The following FRMD6 variants were observed in gnomAD, a reference collection of about 807,000 sequenced individuals.
FRMD6 encodes FERM domain containing 6.
In FRMD6, 37 loss-of-function variants were observed where a neutral mutation model predicts 73.2. That is an observed-to-expected ratio of 0.51 (90% CI 0.39 to 0.66). The LOEUF is 0.66. Ranked by LOEUF, FRMD6 falls within the 30% of genes least tolerant of loss-of-function variation. The pLI is 0.00. For synonymous variants in FRMD6, 273 were observed against 282.2 expected, an observed-to-expected ratio of 0.97 and a Z score of 0.33; for missense variants, 714 against 780.5, an observed-to-expected ratio of 0.91 and a Z score of 1.02.
At chr14:51,542,867 A>G (rs1384545045) in intron 1 of FRMD6, among the ~76,000 whole-genome samples, 1 of 152,076 alleles carries the variant, frequency 6.6e-6, no homozygotes, top group African/African-American at 2.4e-5. Context: ...CCTAATGACT[A>G]GTGACATTGA....
At chr14:51,508,839 A>G (rs1358091919) in intron 1 of FRMD6, among the ~76,000 whole-genome samples, 1 of 151,986 alleles carries the variant, frequency 6.6e-6, no homozygotes, top group Non-Finnish European at 1.5e-5. Context: ...TTGTCCTTTC[A>G]CTTGTGGCCT....
intron 12 of FRMD6, among the ~76,000 whole-genome samples, chr14:51,723,903 A>G (rs1897788525): frequency 6.6e-6 from 1 of 152,196 alleles, no homozygotes; most frequent in Non-Finnish European, 1.5e-5. Context: ...TAAATAGTAA[A>G]AATTATATAA....
At chr14:51,592,627 C>T (rs1054928484) in intron 2 of FRMD6, among the ~76,000 whole-genome samples, 3 of 152,092 alleles carry the variant, frequency 2.0e-5, no homozygotes, top group Admixed American at 1.3e-4. Context: ...ATTTAATTTC[C>T]CTGCTTCAAA....
At chr14:51,646,003 A>G (rs947599451) in intron 2 of FRMD6, among the ~76,000 whole-genome samples, 7 of 152,086 alleles carry the variant, frequency 4.6e-5, no homozygotes, top group East Asian at 1.9e-4. Flanking sequence ...AGTATGTCTT[A>G]GGCACACATT....
intron 1 of FRMD6, among the ~76,000 whole-genome samples, chr14:51,512,574 A>T (rs1409191317): frequency 6.6e-6 from 1 of 152,096 alleles, no homozygotes; most frequent in Non-Finnish European, 1.5e-5. Flanking sequence ...CATGCAAGGA[A>T]GTCACAACCT....
At chr14:51,723,093 C>T (rs1291136680) in intron 12 of FRMD6, among the ~76,000 whole-genome samples, 3 of 152,236 alleles carry the variant, frequency 2.0e-5, no homozygotes, top group African/African-American at 7.2e-5. Flanking sequence ...CTGACCAACA[C>T]TGACTCATTA....
intron 2 of FRMD6, among the ~76,000 whole-genome samples, chr14:51,642,840 T>TAAG (rs1302024214): frequency 6.6e-6 from 1 of 152,198 alleles, no homozygotes; most frequent in African/African-American, 2.4e-5. Flanking sequence ...CAATACTTAA[T>TAAG]AAGTATCTGC....
At chr14:51,527,951 G>A (rs561704073) in intron 1 of FRMD6, among the ~76,000 whole-genome samples, 55 of 152,088 alleles carry the variant, frequency 3.6e-4, no homozygotes, top group Non-Finnish European at 7.4e-4. Context: ...GAGCAACCTG[G>A]GCAACATAGT....
At chr14:51,520,471 C>A (rs1483652781) in intron 1 of FRMD6, among the ~76,000 whole-genome samples, 1 of 152,178 alleles carries the variant, frequency 6.6e-6, no homozygotes, top group African/African-American at 2.4e-5. Context: ...TATATGTCTA[C>A]ACAAAATTTG....
At chr14:51,603,671 G>A (rs1189072396) in intron 2 of FRMD6, among the ~76,000 whole-genome samples, 1 of 152,124 alleles carries the variant, frequency 6.6e-6, no homozygotes, top group Non-Finnish European at 1.5e-5. Context: ...ACTGCTCACT[G>A]GGGTTGAGAA....
chr14:51,684,084 T>C (rs760678306), intron 1 of FRMD6, among the ~76,000 whole-genome samples: 1 of 152,082 alleles, frequency 6.6e-6, no homozygotes, highest in Non-Finnish European at 1.5e-5. Context: ...GTTCAGTTTA[T>C]CTCTCACCTT....
At chr14:51,679,483 C>T (rs559352727) in intron 1 of FRMD6, among the ~76,000 whole-genome samples, 3 of 150,326 alleles carry the variant, frequency 2.0e-5, no homozygotes, top group South Asian at 2.1e-4. Flanking sequence ...TTTCATTTGT[C>T]GTTTCCCCCA....
intron 1 of FRMD6, among the ~76,000 whole-genome samples, chr14:51,569,507 C>CTTTTTTT (rs34661155): frequency 3.6e-4 from 44 of 122,784 alleles, no homozygotes; most frequent in Non-Finnish European, 5.9e-4. Context: ...TTCTTTCTTT[C>CTTTTTTT]TTTTTTTTTT....
intron 1 of FRMD6, among the ~76,000 whole-genome samples, chr14:51,540,048 C>A (rs1000147653): frequency 1.3e-5 from 2 of 152,160 alleles, no homozygotes; most frequent in African/African-American, 4.8e-5. Flanking sequence ...CTATTGCCCA[C>A]CCTGAATGCT....
rs113687622 is a variant in FRMD6, at chr14:51,636,420, G to C, written c.-146-53271G>C. Among the ~76,000 whole-genome samples the C allele has an allele frequency of 8.2e-3, 1,250 of 152,202 alleles. 18 individuals carry two copies. The highest frequency in any genetic ancestry group is 0.028 in the African/African-American group (1,177 of 41,522). On this transcript the variant is annotated intron_variant, in intron 2 of 14. Coordinates refer to the FRMD6 transcript ENST00000356218. ...TGGTGGAGATCACTGCCTGACTGTT[G>C]GTCCATATTCCTGCCGTAAAGTTCT...
the FRMD6 span, among the ~76,000 whole-genome samples, chr14:51,453,245 A>G: frequency 6.6e-6 from 1 of 152,286 alleles, no homozygotes; most frequent in East Asian, 1.9e-4. Context: ...GATGGATTCA[A>G]AACCAGAGAG....
chr14:51,411,024 A>G, the FRMD6 span, among the ~76,000 whole-genome samples: 1 of 152,166 alleles, frequency 6.6e-6, no homozygotes, highest in East Asian at 1.9e-4. Flanking sequence ...AACTCCCCGC[A>G]GTTAGTTAAC....
chr14:51,404,694 G>A, the FRMD6 span, among the ~76,000 whole-genome samples: 6 of 152,220 alleles, frequency 3.9e-5, no homozygotes, highest in South Asian at 2.1e-4. Flanking sequence ...TCTGCCACAA[G>A]CCACATGTAT....
chr14:51,628,446 G>C (rs934417450), intron 2 of FRMD6, among the ~76,000 whole-genome samples: 4 of 152,088 alleles, frequency 2.6e-5, no homozygotes, highest in Admixed American at 2.6e-4. Flanking sequence ...TCTCATGCCT[G>C]TTTCAATCAA....
Sources: allele counts gnomAD v4.1 joint callset (sites outside exome capture counted in the v4.1 genomes callset), GRCh38; gene constraint gnomAD v4.1.1; transcripts MANE v1.5; gene names NCBI Gene and HGNC (gene_info 2026-07-23, HGNC 2026-07-21).